RHCE: variants seen among roughly 807,000 people sequenced by gnomAD.
The protein encoded by RHCE is Rh blood group CcEe antigens.
In RHCE, 22 loss-of-function variants were observed where a neutral mutation model predicts 43.8. The observed-to-expected ratio is 0.50, with a 90% CI of 0.36 to 0.72. RHCE has a LOEUF of 0.72. RHCE is among the 30% of genes least tolerant of loss of function. RHCE has a pLI of 0.00. For missense variants in RHCE, 385 were observed against 525.4 expected (o/e 0.73, Z 2.61); for synonymous variants, 156 against 210.7 (o/e 0.74, Z 2.25).
At chr1:25,395,178 C>T (rs1321907953) in intron 3 of RHCE, among the ~76,000 whole-genome samples, 3 of 143,398 alleles carry the variant, frequency 2.1e-5, no homozygotes, top group African/African-American at 8.2e-5. Flanking sequence ...GAACTATTTC[C>T]CATGCCAGCT....
At chr1:25,372,801 A>G (rs142814225) in intron 8 of RHCE, among the ~76,000 whole-genome samples, 36 of 151,642 alleles carry the variant, frequency 2.4e-4, no homozygotes, top group Non-Finnish European at 4.4e-4. Context: ...TCCATTGTCC[A>G]AGTTGTTTTG....
chr1:25,416,115 C>T (rs77258408), intron 1 of RHCE, among the ~76,000 whole-genome samples: 90,415 of 150,316 alleles, frequency 0.6, 29,030 homozygotes, highest in African/African-American at 0.84. Flanking sequence ...AGCCACCCCT[C>T]ACTTGCTCAG....
upstream of RHCE, chr1:25,421,009 T>C: frequency 1.7e-6 from 1 of 587,864 alleles, no homozygotes; most frequent in Non-Finnish European, 3.0e-6. Context: ...TGTCATTCAT[T>C]CAACAAGTTG....
intron 2 of RHCE, among the ~76,000 whole-genome samples, chr1:25,427,684 T>C (rs2042816156): frequency 6.6e-6 from 1 of 152,244 alleles, no homozygotes; most frequent in South Asian, 2.1e-4. Flanking sequence ...ATTCCCATCA[T>C]CTCACCCCAA....
At position 25,385,823 on chromosome 1, in the gene RHCE, C is replaced by T. The variant is rs1458955350; in HGVS notation, c.961G>A (p.Gly321Arg). 6.2e-7 allele frequency: 1 copy of T among 1,613,884 alleles called. No homozygotes were observed. The highest frequency in any genetic ancestry group is 1.3e-5 in the African/African-American group (1 of 74,842). The change falls in exon 7 of 10, where the codon GGG becomes AGG. Residue 321 changes from glycine (G) to arginine (R), a missense_variant. Physicochemically the swap from Gly to Arg is moderately radical, Grantham distance 125. Transcript: ENST00000294413. ...TGCATGACGGAGATGTGGTGAATCCCCAGCACTCGGTTACAACACACCTGT... is the reference window on the plus strand; with the variant it reads ...TGCATGACGGAGATGTGGTGAATCCTCAGCACTCGGTTACAACACACCTGT... ...CLPVCCNRVLGIHHISVMHSI... is the reference protein window; with the variant it reads ...CLPVCCNRVLRIHHISVMHSI...
chr1:25,400,824 G>A (rs1646715013), intron 3 of RHCE, among the ~76,000 whole-genome samples: 1 of 152,088 alleles, frequency 6.6e-6, no homozygotes, highest in Non-Finnish European at 1.5e-5. Flanking sequence ...AGCAGCTGCT[G>A]AGTTGTGCCA....
chr1:25,397,057 A>G lies in RHCE; in HGVS notation c.487-4916T>C, dbSNP rs534733514. Among the ~76,000 whole-genome samples the G allele has an allele frequency of 1.8e-3, 253 of 140,460 alleles. 1 individual carries two copies. The highest frequency in any genetic ancestry group is 4.4e-3 in the Admixed American group (60 of 13,554). 92.1% of individuals were successfully genotyped at this position (140,460 alleles called of 152,430 possible). A position where few individuals can be genotyped will look rare whatever the true frequency, so the allele number is the denominator to read the frequency against. ...AATCCAGGAGGCGGAGGTTGCAGTGAGCCGAGATCACACCACTGCACTCCA... is the reference window on the plus strand; with the variant it reads ...AATCCAGGAGGCGGAGGTTGCAGTGGGCCGAGATCACACCACTGCACTCCA... On this transcript the variant is annotated intron_variant, in intron 3 of 9. Transcript: ENST00000294413.
intron 2 of RHCE, among the ~76,000 whole-genome samples, chr1:25,404,186 A>AAAAC (rs1156620029): frequency 1.3e-5 from 2 of 151,650 alleles, no homozygotes; most frequent in Non-Finnish European, 2.9e-5. Flanking sequence ...AAAAAAAAAA[A>AAAAC]AAAATTCACT....
intron 5 of RHCE, among the ~76,000 whole-genome samples, 174 bp from the exon 6 acceptor site, chr1:25,389,287 G>A (rs924163174): frequency 2.0e-5 from 3 of 151,840 alleles, no homozygotes; most frequent in African/African-American, 2.4e-5. Flanking sequence ...CAGTGGACAC[G>A]GTGGGCCAGC....
chr1:25,428,336 A>G (rs912597970), intron 2 of RHCE, among the ~76,000 whole-genome samples: 2 of 152,142 alleles, frequency 1.3e-5, no homozygotes, highest in African/African-American at 2.4e-5. Flanking sequence ...GCGCTCCCCA[A>G]CGCCTTTAAG....
intron 9 of RHCE, among the ~76,000 whole-genome samples, chr1:25,367,954 G>A (rs183254763): frequency 3.3e-5 from 5 of 150,648 alleles, no homozygotes; most frequent in African/African-American, 1.0e-4. Context: ...CGGTGTGGGT[G>A]GCGGAGTGAG....
chr1:25,411,356 G>A, intron 1 of RHCE: 1 of 1,550,570 alleles, frequency 6.4e-7, no homozygotes, highest in Non-Finnish European at 8.7e-7. Context: ...CTGGTCTCCA[G>A]CCCTGGCTTT....
chr1:25,430,036 C>T (rs1050270475), exon 1 of RHCE: 4 of 151,996 alleles, frequency 2.6e-5, no homozygotes, highest in African/African-American at 7.2e-5. Context: ...CCGGACCCGC[C>T]GAGCAGGCTC....
intron 3 of RHCE, chr1:25,399,255 G>T (rs540830680): frequency 1.3e-5 from 10 of 779,232 alleles, no homozygotes; most frequent in African/African-American, 1.2e-4. Context: ...CCTCTGCTTT[G>T]TCATGCCATT....
chr1:25,370,153 C>T (rs1557596323), intron 9 of RHCE, among the ~76,000 whole-genome samples: 1 of 151,668 alleles, frequency 6.6e-6, no homozygotes, highest in Non-Finnish European at 1.5e-5. Context: ...CTGTCACCCG[C>T]ATGTCAAACT....
chr1:25,416,033 G>A (rs1352530155), intron 1 of RHCE, among the ~76,000 whole-genome samples: 1 of 150,892 alleles, frequency 6.6e-6, no homozygotes, highest in African/African-American at 2.4e-5. Context: ...ATGGATCTAG[G>A]CTATTCTATC....
Position 25,384,017 on chromosome 1 carries a change from A to G in RHCE, c.1073+1694T>C, listed in dbSNP as rs572581908. On this transcript the variant is annotated intron_variant, in intron 7 of 9. Coordinates refer to ENST00000294413, the MANE Select transcript of RHCE (RefSeq NM_020485.8). The stretch of plus-strand genomic sequence containing the variant: ...CAGTGGTTCTAAAACTTGAGCTTGC[A>G]AGAGAACACTTGTGGGGCTTGTTCA... Among the ~76,000 whole-genome samples, 29 of 151,926 alleles carry G rather than the reference A, an allele frequency of 1.9e-4. 1 individual carries two copies. The East Asian group carries it at 5.6e-3, about 29-fold the overall frequency.
chr1:25,388,084 G>A (rs1180547853), intron 6 of RHCE, among the ~76,000 whole-genome samples: 5 of 151,150 alleles, frequency 3.3e-5, no homozygotes, highest in African/African-American at 7.3e-5. Flanking sequence ...CTCCCAAAGC[G>A]CGTGAGCCAC....
At chr1:25,424,507 C>A (rs542914343), upstream of RHCE, among the ~76,000 whole-genome samples, 23 of 152,276 alleles carry the variant, frequency 1.5e-4, no homozygotes, top group African/African-American at 5.5e-4. Context: ...CCCGCCTCAG[C>A]CTCCCGAGTA....
Sources: allele counts gnomAD v4.1 joint callset (sites outside exome capture counted in the v4.1 genomes callset), GRCh38; gene constraint gnomAD v4.1.1; transcripts MANE v1.5; gene names NCBI Gene and HGNC (gene_info 2026-07-23, HGNC 2026-07-21).